Variants in LRBA observed in about 807,000 individuals in gnomAD.
LRBA encodes lipopolysaccharide-responsive and beige-like anchor protein.
In LRBA, 176 loss-of-function variants were observed where a neutral mutation model predicts 330.0. That is an observed-to-expected ratio of 0.53 (90% CI 0.47 to 0.60). The LOEUF (loss-of-function observed/expected upper bound fraction) is 0.60, where lower values mean the gene tolerates loss of function less well. LRBA is among the 20% of genes least tolerant of loss of function. LRBA has a pLI of 0.00. For missense variants in LRBA, 3,259 were observed against 3,444.8 expected, an observed-to-expected ratio of 0.95 and a Z score of 1.35; for synonymous variants, 1,230 against 1,193.0, an observed-to-expected ratio of 1.03 and a Z score of -0.64.
chr4:150,358,626 C>T (rs1201527297), intron 47 of LRBA, among the ~76,000 whole-genome samples: 3 of 151,904 alleles, frequency 2.0e-5, no homozygotes, highest in African/African-American at 4.8e-5. Context: ...TAAACATAGA[C>T]ATAAGTAATT....
At chr4:150,632,849 G>A (rs1233265206) in intron 37 of LRBA, among the ~76,000 whole-genome samples, 4 of 152,154 alleles carry the variant, frequency 2.6e-5, no homozygotes, top group African/African-American at 9.7e-5. Context: ...ATCATTGCCT[G>A]TTTATATTTT....
chr4:150,681,092 C>T (rs1011497542), intron 37 of LRBA, among the ~76,000 whole-genome samples: 1 of 152,168 alleles, frequency 6.6e-6, no homozygotes, highest in African/African-American at 2.4e-5. Context: ...AGAAATTATA[C>T]TTAATTTAAT....
chr4:150,759,656 CATATT>C (rs1560779170), intron 35 of LRBA, among the ~76,000 whole-genome samples: 2 of 151,870 alleles, frequency 1.3e-5, no homozygotes, highest in African/African-American at 2.4e-5. Flanking sequence ...CCGTCATTCA[CATATT>C]ATATAACTTA....
intron 40 of LRBA, among the ~76,000 whole-genome samples, chr4:150,545,467 C>T (rs1765753929): frequency 6.6e-6 from 1 of 151,972 alleles, no homozygotes; most frequent in South Asian, 2.1e-4. Flanking sequence ...TTTAGAATCC[C>T]ATCCAGGGAA....
intron 40 of LRBA, among the ~76,000 whole-genome samples, chr4:150,534,757 C>G (rs572534151): frequency 7.9e-5 from 12 of 152,158 alleles, no homozygotes; most frequent in African/African-American, 2.9e-4. Flanking sequence ...AATCAATAAG[C>G]CTATGTATGC....
intron 40 of LRBA, among the ~76,000 whole-genome samples, chr4:150,561,565 C>A (rs1187562855): frequency 6.6e-6 from 1 of 152,080 alleles, no homozygotes; most frequent in Non-Finnish European, 1.5e-5. Flanking sequence ...TCAATCTGTC[C>A]TTACTGACTT....
chr4:150,731,807 T>C (rs1730497464), intron 36 of LRBA, among the ~76,000 whole-genome samples: 1 of 152,134 alleles, frequency 6.6e-6, no homozygotes, highest in East Asian at 1.9e-4. Context: ...TAGTCAATAA[T>C]AATTTAATTG....
At chr4:150,738,093 C>A (rs778399907) in intron 35 of LRBA, among the ~76,000 whole-genome samples, 1 of 150,012 alleles carries the variant, frequency 6.7e-6, no homozygotes, top group African/African-American at 2.5e-5. Context: ...TGGGTTCAAG[C>A]GATTCTCCTG....
intron 2 of LRBA, among the ~76,000 whole-genome samples, chr4:150,940,001 T>C (rs1735495398): frequency 6.6e-6 from 1 of 151,908 alleles, no homozygotes; most frequent in South Asian, 2.1e-4. Flanking sequence ...AAAAAATAGG[T>C]TTGTGATTGG....
rs1241224874 is a variant in LRBA at position 150,803,658 on chromosome 4, TTC to T, written c.5518+2611_5518+2612del. ...GCACAATCACCTCTTTTTAAATCCT[TTC>T]TGTTTTACAGTACATGAAACCACAA... is the stretch of plus-strand genomic sequence containing the variant. On this transcript the variant is annotated intron_variant, in intron 33 of 56. Transcript: ENST00000651943. Among the ~76,000 whole-genome samples, 4 of 152,228 alleles carry T rather than the reference TTC, an allele frequency of 2.6e-5. No individual in the cohort carries two copies. In the South Asian group the frequency reaches 6.2e-4, roughly 24 times the overall value.
At chr4:150,729,540 A>G (rs1730159511) in intron 36 of LRBA, among the ~76,000 whole-genome samples, 1 of 152,214 alleles carries the variant, frequency 6.6e-6, no homozygotes, top group African/African-American at 2.4e-5. Flanking sequence ...TATGGATTGG[A>G]AAATCAATAC....
intron 37 of LRBA, among the ~76,000 whole-genome samples, chr4:150,658,529 C>T (rs531812625): frequency 0.033 from 1 of 30 alleles, no homozygotes; most frequent in African/African-American, 0.062. Context: ...CTCCCTCTCC[C>T]TCTCCCTCTC....
At chr4:150,797,120 TTTTCA>T (rs1457350218) in intron 34 of LRBA, among the ~76,000 whole-genome samples, 5 of 151,978 alleles carry the variant, frequency 3.3e-5, no homozygotes, top group Admixed American at 1.3e-4. Flanking sequence ...TAGTATTGAT[TTTTCA>T]CACCTTCTAT....
At chr4:150,585,912 G>C (rs1448183634) in intron 40 of LRBA, among the ~76,000 whole-genome samples, 2 of 152,186 alleles carry the variant, frequency 1.3e-5, no homozygotes, top group Non-Finnish European at 2.9e-5. Context: ...TAGTTCACTT[G>C]ACAAACAGGC....
intron 40 of LRBA, among the ~76,000 whole-genome samples, chr4:150,505,995 T>C (rs142157477): frequency 0.01 from 1,555 of 152,290 alleles, 24 homozygotes; most frequent in African/African-American, 0.036. Context: ...GATAAATTCC[T>C]CGACACATAC....
chr4:150,553,695 G>A (rs957407782), intron 40 of LRBA, among the ~76,000 whole-genome samples: 67 of 152,118 alleles, frequency 4.4e-4, no homozygotes, highest in African/African-American at 1.6e-3. Context: ...GGGGTAGAAG[G>A]AGTCAAATCC....
At chr4:150,387,511 A>G (rs575454547) in intron 47 of LRBA, among the ~76,000 whole-genome samples, 11 of 152,272 alleles carry the variant, frequency 7.2e-5, no homozygotes, top group African/African-American at 7.2e-5. Flanking sequence ...GAGTTGCTCA[A>G]TTCTCTCTTT....
chr4:150,328,456 G>A (rs17504117), intron 48 of LRBA, among the ~76,000 whole-genome samples: 26,462 of 151,886 alleles, frequency 0.17, 2,785 homozygotes, highest in East Asian at 0.26. Flanking sequence ...CAGCAGAAAT[G>A]ACCTCCTTTT....
At chr4:150,594,445 T>C (rs2126483396) in intron 38 of LRBA, among the ~76,000 whole-genome samples, 1 of 152,192 alleles carries the variant, frequency 6.6e-6, no homozygotes, top group Admixed American at 6.5e-5. Context: ...AACAAGTATT[T>C]TGATATCTTC....
Sources: gnomAD v4.1 joint callset for allele counts (sites outside exome capture counted in the v4.1 genomes callset) on GRCh38, gnomAD v4.1.1 for gene constraint, MANE v1.5 for transcripts, NCBI Gene and HGNC (gene_info 2026-07-23, HGNC 2026-07-21) for gene names.